Variants in TACC2 observed in about 807,000 individuals in gnomAD.
The protein encoded by TACC2 is transforming acidic coiled-coil containing protein 2, also known as transforming acidic coiled-coil-containing protein 2.
A neutral mutation model predicts 227.3 loss-of-function variants in TACC2; 137 were observed. The ratio of observed to expected loss-of-function variants is 0.60; its 90% confidence interval spans 0.52 to 0.69. The LOEUF (loss-of-function observed/expected upper bound fraction) is 0.69. Ranked by LOEUF, TACC2 falls within the 30% of genes least tolerant of loss-of-function variation. The pLI, the probability that TACC2 is intolerant of heterozygous loss-of-function variation, is 0.00. For synonymous variants in TACC2, 1,523 were observed against 1,487.5 expected, an observed-to-expected ratio of 1.02 and a Z score of -0.55; for missense variants, 3,470 against 3,694.4, an observed-to-expected ratio of 0.94 and a Z score of 1.57.
At chr10:122,132,962 C>A (rs554848090) in intron 6 of TACC2, among the ~76,000 whole-genome samples, 1 of 152,278 alleles carries the variant, frequency 6.6e-6, no homozygotes, top group East Asian at 1.9e-4. Flanking sequence ...AAGACCGTTT[C>A]CCCTGTCCCG....
chr10:122,154,342 G>C (rs1215282107), intron 7 of TACC2, among the ~76,000 whole-genome samples: 2 of 152,230 alleles, frequency 1.3e-5, no homozygotes, highest in Admixed American at 1.3e-4. Context: ...TAGATTCCGA[G>C]GCAGGCAGTC....
intron 7 of TACC2, among the ~76,000 whole-genome samples, chr10:122,145,187 T>G (rs925242991): frequency 6.6e-6 from 1 of 152,244 alleles, no homozygotes; most frequent in East Asian, 1.9e-4. Flanking sequence ...TATTTACCTA[T>G]GAACGATGAA....
At chr10:122,215,890 A>G (rs2095394770) in intron 10 of TACC2, among the ~76,000 whole-genome samples, 1 of 152,226 alleles carries the variant, frequency 6.6e-6, no homozygotes, top group Admixed American at 6.5e-5. Flanking sequence ...AGTGGGGCTT[A>G]GGTTCTGTCT....
At chr10:122,143,773 C>T (rs1435196046) in intron 7 of TACC2, 67 bp downstream of exon 7, 1 of 1,561,208 alleles carries the variant, frequency 6.4e-7, no homozygotes, top group Non-Finnish European at 8.7e-7. Flanking sequence ...TCTCTGCCCC[C>T]TAGGTCTTGG....
intron 2 of TACC2, among the ~76,000 whole-genome samples, chr10:122,034,607 C>G (rs1200645942): frequency 2.6e-5 from 4 of 152,258 alleles, no homozygotes; most frequent in Middle Eastern, 3.4e-3. Context: ...TTACCCTATA[C>G]AGCCTTATAC....
At chr10:122,108,676 C>G (rs2083226366) in intron 5 of TACC2, among the ~76,000 whole-genome samples, 1 of 151,648 alleles carries the variant, frequency 6.6e-6, no homozygotes, top group South Asian at 2.1e-4. Flanking sequence ...AATCTCTTGA[C>G]TCATGATCCA....
chr10:122,063,831 T>TACACACAC (rs139868618), intron 3 of TACC2, among the ~76,000 whole-genome samples: 1,670 of 146,432 alleles, frequency 0.011, 36 homozygotes, highest in African/African-American at 0.038. Flanking sequence ...TATTATATAA[T>TACACACAC]ACACACACAC....
At chr10:122,203,410 G>A (rs1295272321) in intron 8 of TACC2, among the ~76,000 whole-genome samples, 1 of 149,260 alleles carries the variant, frequency 6.7e-6, no homozygotes, top group Non-Finnish European at 1.5e-5. Context: ...CTGGCTGGGC[G>A]GGCGGCTGAC....
intron 11 of TACC2, among the ~76,000 whole-genome samples, chr10:122,217,814 T>C (rs143326417): frequency 6.6e-6 from 1 of 152,154 alleles, no homozygotes; most frequent in African/African-American, 2.4e-5. Flanking sequence ...CCCTGACCTG[T>C]TGGTGCACCA....
chr10:122,172,069 G>T (rs930535763), intron 7 of TACC2, among the ~76,000 whole-genome samples: 1 of 152,148 alleles, frequency 6.6e-6, no homozygotes, highest in Non-Finnish European at 1.5e-5. Context: ...CAAACATGTG[G>T]GCTCTCGGTA....
chr10:122,176,633 A>C (rs1440232202), intron 7 of TACC2, among the ~76,000 whole-genome samples: 1 of 152,188 alleles, frequency 6.6e-6, no homozygotes, highest in Admixed American at 6.6e-5. Flanking sequence ...ATGCAGATTC[A>C]AGCTGCTGAA....
intron 6 of TACC2, among the ~76,000 whole-genome samples, chr10:122,142,174 C>T (rs771481299): frequency 6.6e-6 from 1 of 152,144 alleles, no homozygotes; most frequent in South Asian, 2.1e-4. Context: ...TTTCCTAGGT[C>T]GTTATTTCTT....
intron 3 of TACC2, among the ~76,000 whole-genome samples, chr10:122,056,155 C>T (rs1013821428): frequency 1.3e-5 from 2 of 152,150 alleles, no homozygotes; most frequent in African/African-American, 4.8e-5. Flanking sequence ...TGTGGTGAGG[C>T]CTGTGAAGGG....
rs751934143 is a variant in TACC2, at chr10:122,083,383, G to T, written c.883G>T (p.Ala295Ser). ...AGACAGAGAAAGAGGCCAAGGGGAG[G>T]CGCCGCCTCAGTATTTAACAGATGA... ...ASDRERGQGE[A>S]PPQYLTDDLE... is the part of the protein sequence containing the mutation. Residue 295 changes from alanine (A) to serine (S), a missense_variant, in exon 4 of 23, where the codon GCG (alanine) becomes TCG (serine). Ala to Ser is a moderately conservative substitution (Grantham distance 99). This residue lies in a region of TACC2 where 405 missense variants were observed against 389.6 expected (regional missense o/e 1.04). Coordinates refer to ENST00000369005, the MANE Select transcript of TACC2 (RefSeq NM_206862.4). 1 of 1,613,948 alleles carries T rather than the reference G, an allele frequency of 6.2e-7. No individual in the cohort carries two copies. The highest frequency in any genetic ancestry group is 1.1e-5 in the South Asian group (1 of 91,082).
intron 1 of TACC2, among the ~76,000 whole-genome samples, chr10:121,998,737 A>T (rs1590867754): frequency 6.6e-6 from 1 of 152,076 alleles, no homozygotes; most frequent in African/African-American, 2.4e-5. Flanking sequence ...AAGAGATTAA[A>T]CCCAGCAACA....
At chr10:122,175,569 C>G (rs1431627487) in intron 7 of TACC2, among the ~76,000 whole-genome samples, 1 of 152,084 alleles carries the variant, frequency 6.6e-6, no homozygotes, top group Admixed American at 6.6e-5. Context: ...TTTTATTTTT[C>G]TGGATACTGT....
At chr10:122,051,685 G>C (rs2075700944) in intron 3 of TACC2, 1 of 151,474 alleles carries the variant, frequency 6.6e-6, no homozygotes, top group Non-Finnish European at 1.5e-5. Context: ...AAAATGGAAT[G>C]ATAGGCCCCT....
Position 122,083,785 on chromosome 10 carries a change from C to T in TACC2, c.1285C>T (p.Gln429Ter), listed in dbSNP as rs1357528024. 1 of 1,614,180 alleles carries T rather than the reference C, an allele frequency of 6.2e-7. No homozygotes were observed. Among genetic ancestry groups the T allele is most frequent in the Non-Finnish European group, 8.5e-7 (1 of 1,180,036 alleles). The change falls in exon 4 of 23, where the codon CAG (glutamine) becomes TAG (stop). Residue 429 changes from glutamine (Q) to a stop codon, truncating the protein, a stop_gained. Coordinates refer to ENST00000369005, the MANE Select transcript of TACC2 (RefSeq NM_206862.4). LOFTEE classifies it high-confidence loss of function. ...ASSLASFPAA[Q>*]IPIAVEEPGS... is the part of the protein sequence containing the mutation. Reference sequence around the variant, plus strand: ...AAGCCTCGCTTCATTCCCAGCTGCTCAGATTCCTATTGCTGTAGAAGAACC... The same window carrying T: ...AAGCCTCGCTTCATTCCCAGCTGCTTAGATTCCTATTGCTGTAGAAGAACC...
At chr10:122,225,035 C>T (rs1444799919) in intron 12 of TACC2, among the ~76,000 whole-genome samples, 13 of 150,584 alleles carry the variant, frequency 8.6e-5, no homozygotes, top group Non-Finnish European at 1.9e-4. Context: ...AATTACTTTC[C>T]TAGACTGAGA....
Sources: gnomAD v4.1 joint callset for allele counts (sites outside exome capture counted in the v4.1 genomes callset) on GRCh38, gnomAD v4.1.1 for gene constraint, gnomAD v4.1.1 regional missense constraint, MANE v1.5 for transcripts, NCBI Gene and HGNC (gene_info 2026-07-23, HGNC 2026-07-21) for gene names.